The following BTLA variants were observed in gnomAD, a reference collection of about 807,000 sequenced individuals.
The protein encoded by BTLA is B- and T-lymphocyte attenuator.
In BTLA, 11 loss-of-function variants were observed where a neutral mutation model predicts 25.0. The ratio of observed to expected loss-of-function variants is 0.44; its 90% CI spans 0.28 to 0.73. The LOEUF is 0.73. BTLA is among the 30% of genes least tolerant of loss of function. The pLI, the probability that BTLA is intolerant of heterozygous loss-of-function variation, is 0.15. For synonymous variants in BTLA, 104 were observed against 119.8 expected (o/e 0.87, Z 0.86); for missense variants, 282 against 332.8 (o/e 0.85, Z 1.19).
intron 1 of BTLA, among the ~76,000 whole-genome samples, chr3:112,488,551 T>C (rs1446623502): frequency 6.6e-6 from 1 of 151,358 alleles, no homozygotes; most frequent in Non-Finnish European, 1.5e-5. Context: ...AAACTTACCA[T>C]ACCCTCATAT....
At chr3:112,466,665 A>C (rs1161599267) in intron 4 of BTLA, among the ~76,000 whole-genome samples, 2 of 152,216 alleles carry the variant, frequency 1.3e-5, no homozygotes, top group Non-Finnish European at 2.9e-5. Flanking sequence ...CCTTCAAGAT[A>C]AAAAGCATAG....
intron 1 of BTLA, among the ~76,000 whole-genome samples, chr3:112,481,629 T>C (rs2082318750): frequency 6.6e-6 from 1 of 152,252 alleles, no homozygotes; most frequent in Non-Finnish European, 1.5e-5. Flanking sequence ...GGCTTTGAAA[T>C]GCCTTCAGGG....
At chr3:112,472,352 G>T (rs2633566) in intron 2 of BTLA, among the ~76,000 whole-genome samples, 24,718 of 151,670 alleles carry the variant, frequency 0.16, 4,108 homozygotes, top group African/African-American at 0.4. Context: ...TGTTGTTGTT[G>T]TTTTTTTTAA....
intron 1 of BTLA, among the ~76,000 whole-genome samples, chr3:112,480,543 G>A (rs1401183340): frequency 6.6e-6 from 1 of 152,172 alleles, no homozygotes; most frequent in African/African-American, 2.4e-5. Context: ...TCTAGCAAAG[G>A]CCTTTGTGCT....
At position 112,466,355 on chromosome 3, in the gene BTLA, G is replaced by A; in HGVS notation, c.623C>T (p.Thr208Ile). The A allele has an allele frequency of 6.2e-7, 1 of 1,611,982 alleles. No individual in the cohort carries two copies. The highest frequency in any genetic ancestry group is 8.5e-7 in the Non-Finnish European group (1 of 1,178,936). The stretch of plus-strand genomic sequence containing the variant: ...GGAATTTTGCCTGGTGCTTGCTTCT[G>A]TTTGCTCACTCTTAAGGTGAGCATC... ...LVDAHLKSEQ[T>I]EASTRQNSQV... The change falls in exon 5 of 5, where the codon ACA becomes ATA. Residue 208 changes from threonine to isoleucine, a missense_variant. Transcript: ENST00000334529.
chr3:112,464,671 A>C lies in BTLA; in HGVS notation c.*1437T>G, dbSNP rs2082215112. ...CCCCACTTGTATTCTAAACTCCATAATTTCACATATTATTTTCTTTAATGA... is the reference window on the plus strand; with the variant it reads ...CCCCACTTGTATTCTAAACTCCATACTTTCACATATTATTTTCTTTAATGA... On this transcript the variant is annotated 3_prime_UTR_variant, in exon 5 of 5. Transcript: ENST00000334529. The C allele has an allele frequency of 6.6e-6, 1 of 152,224 alleles. No individual in the cohort carries two copies. The highest frequency in any genetic ancestry group is 2.4e-5 in the African/African-American group (1 of 41,390). 9.4% of individuals were successfully genotyped at this position (152,224 alleles called of 1,614,324 possible).
At chr3:112,468,135 A>G (rs1439974778) in intron 4 of BTLA, among the ~76,000 whole-genome samples, 1 of 152,252 alleles carries the variant, frequency 6.6e-6, no homozygotes, top group Non-Finnish European at 1.5e-5. Flanking sequence ...GTTACAGTAT[A>G]CAAAGCATTT....
chr3:112,470,918 A>C (rs1559823625), intron 3 of BTLA, among the ~76,000 whole-genome samples: 1 of 152,182 alleles, frequency 6.6e-6, no homozygotes, highest in Non-Finnish European at 1.5e-5. Context: ...TTTCTCACAC[A>C]AACCTAAGAT....
At chr3:112,481,258 T>C (rs1291722466) in intron 1 of BTLA, among the ~76,000 whole-genome samples, 1 of 152,206 alleles carries the variant, frequency 6.6e-6, no homozygotes. Flanking sequence ...TCCACTCCCA[T>C]GGCTCTACTA....
chr3:112,468,289 C>T (rs894685974), intron 4 of BTLA, among the ~76,000 whole-genome samples: 1 of 152,180 alleles, frequency 6.6e-6, no homozygotes, highest in African/African-American at 2.4e-5. Context: ...AGAGCTTTGG[C>T]TTTTATATGT....
At chr3:112,494,983 C>A (rs923819205) in intron 1 of BTLA, among the ~76,000 whole-genome samples, 28 of 152,082 alleles carry the variant, frequency 1.8e-4, no homozygotes, top group African/African-American at 6.8e-4. Context: ...CCAATTGTCA[C>A]CCAATGTTAC....
intron 1 of BTLA, among the ~76,000 whole-genome samples, chr3:112,485,035 A>AT (rs1283946711): frequency 4.6e-5 from 7 of 151,880 alleles, no homozygotes; most frequent in African/African-American, 1.4e-4. Flanking sequence ...GCACAATTCT[A>AT]TTTTTTTTAA....
chr3:112,479,022 A>G (rs2082303599), intron 2 of BTLA, among the ~76,000 whole-genome samples: 1 of 152,132 alleles, frequency 6.6e-6, no homozygotes, highest in Non-Finnish European at 1.5e-5. Context: ...TTGCCTAAGC[A>G]CCACAAACAT....
chr3:112,464,140 A>C lies in BTLA; in HGVS notation c.*1968T>G, dbSNP rs2082212117. 2.5e-6 allele frequency: 1 copy of C among 398,104 alleles called. No homozygotes were observed. Among genetic ancestry groups the C allele is most frequent in the Non-Finnish European group, 4.4e-6 (1 of 225,756 alleles). 24.7% of individuals were successfully genotyped at this position (398,104 alleles called of 1,614,324 possible). On this transcript the variant is annotated 3_prime_UTR_variant, in exon 5 of 5. Coordinates refer to ENST00000334529, the MANE Select transcript of BTLA (RefSeq NM_181780.4). Reference sequence around the variant, plus strand: ...TAGAGTCATTTGGGAAAATGCATGTATGTCTCTGACACCATTTTGAAAAGG... The same window carrying C: ...TAGAGTCATTTGGGAAAATGCATGTCTGTCTCTGACACCATTTTGAAAAGG...
intron 1 of BTLA, among the ~76,000 whole-genome samples, chr3:112,498,750 A>G (rs189832596): frequency 1.3e-5 from 2 of 152,118 alleles, no homozygotes; most frequent in Admixed American, 1.3e-4. Context: ...CATTTTCTCA[A>G]TCGGTATTCT....
chr3:112,475,359 C>T lies in BTLA; in HGVS notation c.404-4004G>A, dbSNP rs1361319834. Among the ~76,000 whole-genome samples the T allele has an allele frequency of 4.6e-5, 7 of 152,244 alleles. No individual in the cohort carries two copies. The East Asian group carries it at 1.4e-3, about 29-fold the overall frequency. On this transcript the variant is annotated intron_variant, in intron 2 of 4. Coordinates refer to ENST00000334529, the MANE Select transcript of BTLA (RefSeq NM_181780.4). The stretch of plus-strand genomic sequence containing the variant: ...TTAGCTCTTAGACTTTCTCTTTCAC[C>T]ACTTCATACTTCACATACTTTGTTC...
chr3:112,492,016 A>G (rs531542088), intron 1 of BTLA, among the ~76,000 whole-genome samples: 1 of 152,342 alleles, frequency 6.6e-6, no homozygotes, highest in South Asian at 2.1e-4. Context: ...TAGAATATTG[A>G]AAAAAACTTT....
At chr3:112,495,092 T>C (rs1337047732) in intron 1 of BTLA, among the ~76,000 whole-genome samples, 3 of 152,222 alleles carry the variant, frequency 2.0e-5, no homozygotes, top group Admixed American at 6.5e-5. Context: ...CTATTCTAAG[T>C]GTTTTACAGA....
intron 2 of BTLA, among the ~76,000 whole-genome samples, chr3:112,478,033 G>A (rs1015281550): frequency 1.4e-5 from 2 of 144,134 alleles, no homozygotes; most frequent in African/African-American, 2.6e-5. Flanking sequence ...CTGTCATTTT[G>A]TAGTAAGTTT....
Sources: gnomAD v4.1 joint callset for allele counts (sites outside exome capture counted in the v4.1 genomes callset) on GRCh38, gnomAD v4.1.1 for gene constraint, MANE v1.5 for transcripts, NCBI Gene and HGNC (gene_info 2026-07-23, HGNC 2026-07-21) for gene names.